The following TNC variants were observed in gnomAD, a reference collection of about 807,000 sequenced individuals.
The protein encoded by TNC is tenascin.
In TNC, 109 loss-of-function variants were observed where a neutral mutation model predicts 202.4. The observed-to-expected ratio is 0.54, with a 90% confidence interval of 0.46 to 0.63. The LOEUF (loss-of-function observed/expected upper bound fraction) is 0.63, where lower values mean the gene tolerates loss of function less well. Among genes scored for constraint, TNC ranks in the 30% least tolerant of loss-of-function variants. The pLI is 0.00. For missense variants in TNC, 2,756 were observed against 2,833.3 expected, an observed-to-expected ratio of 0.97 and a Z score of 0.62; for synonymous variants, 1,007 against 1,089.7, an observed-to-expected ratio of 0.92 and a Z score of 1.50.
In TNC at chr9:115,063,871, T is replaced by C. The variant is rs574502142; in HGVS notation, c.3685A>G (p.Thr1229Ala). 3 of 1,614,140 alleles carry C rather than the reference T, an allele frequency of 1.9e-6. No homozygotes were observed. The highest frequency in any genetic ancestry group is 2.2e-5 in the East Asian group (1 of 44,884). The change falls in exon 12 of 28, where the codon ACT (threonine) becomes GCT (alanine). Residue 1229 changes from threonine to alanine, a missense_variant. Physicochemically the swap from Thr to Ala is moderately conservative, Grantham distance 58. This residue lies in a region of TNC where 2,559 missense variants were observed against 2,546.0 expected (regional missense o/e 1.01). Transcript: ENST00000350763. Reference sequence around the variant, plus strand: ...CCGCGGATGGTGATGGTATAATGAGTGGCTGCTTTGAGCCCAGGCAGGTCT... The same window carrying C: ...CCGCGGATGGTGATGGTATAATGAGCGGCTGCTTTGAGCCCAGGCAGGTCT... ...STDLPGLKAA[T>A]HYTITIRGVT...
chr9:115,102,705 T>G (rs542664061), intron 1 of TNC, among the ~76,000 whole-genome samples: 7 of 152,372 alleles, frequency 4.6e-5, no homozygotes, highest in African/African-American at 1.7e-4. Flanking sequence ...AGATTGTATT[T>G]ATATTAGTCT....
chr9:115,093,598 C>A (rs961150347), intron 1 of TNC, among the ~76,000 whole-genome samples: 142 of 152,184 alleles, frequency 9.3e-4, no homozygotes, highest in African/African-American at 3.2e-3. Flanking sequence ...TACTTTCCTA[C>A]CCCTTTTCCA....
At chr9:115,087,579 G>A (rs1041651162) in intron 2 of TNC, among the ~76,000 whole-genome samples, 3 of 148,968 alleles carry the variant, frequency 2.0e-5, no homozygotes, top group Non-Finnish European at 3.0e-5. Flanking sequence ...TCCACCCCTG[G>A]GGAGCGGATT....
chr9:115,073,149 T>A (rs927984402), intron 10 of TNC, among the ~76,000 whole-genome samples: 3 of 152,126 alleles, frequency 2.0e-5, no homozygotes, highest in Non-Finnish European at 4.4e-5. Context: ...AGACCTGGAA[T>A]AAAAACAGTT....
chr9:115,051,985 T>C (rs1321576539), intron 15 of TNC, among the ~76,000 whole-genome samples: 1 of 151,380 alleles, frequency 6.6e-6, no homozygotes, highest in Non-Finnish European at 1.5e-5. Flanking sequence ...TTGTAACCTG[T>C]GTCTGTCAAT....
rs746230579 is a variant in TNC, at chr9:115,086,612, G to A, written c.1119C>T (p.Ser373=). 4.4e-5 allele frequency: 71 copies of A among 1,614,086 alleles called. 1 individual carries two copies. The highest frequency in any genetic ancestry group is 4.2e-4 in the East Asian group (19 of 44,878). ...GACAGTCAGCAGGACACCTCTTCTCGCTGCAGTCCACACCGGCAAAGCCCT... is the reference window on the plus strand; with the variant it reads ...GACAGTCAGCAGGACACCTCTTCTCACTGCAGTCCACACCGGCAAAGCCCT... The part of the protein sequence containing the change: ...CDEGFAGVDC[S]EKRCPADCHN... Residue 373 remains serine, a synonymous_variant, in exon 3 of 28, where the codon AGC becomes AGT. Coordinates refer to ENST00000350763, the MANE Select transcript of TNC (RefSeq NM_002160.4).
Position 115,024,283 on chromosome 9 carries a change from G to A in TNC, c.6332-147C>T, listed in dbSNP as rs542099559. 5.5e-4 allele frequency: 408 copies of A among 743,086 alleles called. 3 individuals carry two copies. The highest frequency in any genetic ancestry group is 4.7e-3 in the South Asian group (249 of 52,758). 46.0% of individuals were successfully genotyped at this position (743,086 alleles called of 1,614,324 possible). On this transcript the variant is annotated intron_variant, in intron 26 of 27. Transcript: ENST00000350763. ...TGATCCCAGAGTCAGCATTGAATGC[G>A]GAACTGAATGGGACATGAGTGTCAC...
intron 1 of TNC, among the ~76,000 whole-genome samples, chr9:115,098,938 ATTTTTTT>A (rs35624621): frequency 1.6e-5 from 2 of 127,334 alleles, no homozygotes; most frequent in Non-Finnish European, 3.2e-5. Flanking sequence ...TTAAGTGTGT[ATTTTTTT>A]TTTTTTTTTT....
chr9:115,062,864 C>A (rs903583617), intron 13 of TNC, 53 bp downstream of exon 13: 23 of 1,570,514 alleles, frequency 1.5e-5, no homozygotes, highest in Non-Finnish European at 2.0e-5. Context: ...TTCTCTATTT[C>A]AATGACATGC....
At chr9:115,045,259 T>C (rs1831087080) in intron 17 of TNC, among the ~76,000 whole-genome samples, 1 of 152,210 alleles carries the variant, frequency 6.6e-6, no homozygotes, top group Non-Finnish European at 1.5e-5. Flanking sequence ...CTCCCTCAGT[T>C]TCATGAAATA....
intron 15 of TNC, among the ~76,000 whole-genome samples, chr9:115,056,587 G>A (rs2132425397): frequency 6.6e-6 from 1 of 152,302 alleles, no homozygotes; most frequent in East Asian, 1.9e-4. Flanking sequence ...TTCTAGAGGT[G>A]GTGTTGGAAC....
chr9:115,056,601 G>T (rs1323273482), intron 15 of TNC, among the ~76,000 whole-genome samples: 2 of 152,168 alleles, frequency 1.3e-5, no homozygotes, highest in Admixed American at 1.3e-4. Flanking sequence ...TTGGAACTGG[G>T]GTGGTCTGAA....
chr9:115,049,079 T>G (rs1196627800), intron 15 of TNC, among the ~76,000 whole-genome samples: 2 of 151,842 alleles, frequency 1.3e-5, no homozygotes, highest in Non-Finnish European at 2.9e-5. Flanking sequence ...TAAGTTTTTT[T>G]TGTGTCAAAA....
chr9:115,085,731 T>TAAAA, intron 3 of TNC, 133 bp downstream of exon 3: 1 of 938,448 alleles, frequency 1.1e-6, no homozygotes, highest in Non-Finnish European at 1.6e-6. Flanking sequence ...GGTGTGTGTT[T>TAAAA]AAATGGATAT....
Position 115,063,747 on chromosome 9 carries a change from G to A in TNC, c.3760+49C>T, listed in dbSNP as rs759031146. 2.1e-5 allele frequency: 33 copies of A among 1,571,368 alleles called. No individual in the cohort carries two copies. In the East Asian group the frequency reaches 3.6e-4, roughly 17 times the overall value. On this transcript the variant is annotated intron_variant, in intron 12 of 27. Transcript: ENST00000350763. ...GCAAGAAAGTGCTTTGATTCCTCCC[G>A]AGCAGAGACAAAGGGGAGGAAGTGA...
chr9:115,034,964 G>A (rs1481959115), intron 22 of TNC, among the ~76,000 whole-genome samples: 2 of 152,168 alleles, frequency 1.3e-5, no homozygotes, highest in African/African-American at 2.4e-5. Flanking sequence ...ATGTCCTCAA[G>A]TCTTGTAAGC....
At position 115,030,417 on chromosome 9, in the gene TNC, G is replaced by A; in HGVS notation, c.5921-12C>T. The A allele has an allele frequency of 1.2e-6, 2 of 1,609,256 alleles. No individual in the cohort carries two copies. The highest frequency in any genetic ancestry group is 2.2e-5 in the South Asian group (2 of 90,492). ...GTACAGGAGTCCAACTGTGGAATAAGGAGAAATGGTGATGCTCTCAGTGCA... is the reference window on the plus strand; with the variant it reads ...GTACAGGAGTCCAACTGTGGAATAAAGAGAAATGGTGATGCTCTCAGTGCA... On this transcript the variant is annotated splice_polypyrimidine_tract_variant and intron_variant, in intron 23 of 27. Coordinates refer to ENST00000350763, the MANE Select transcript of TNC (RefSeq NM_002160.4).
At chr9:115,109,356 A>G (rs1002733873) in intron 1 of TNC, among the ~76,000 whole-genome samples, 2 of 152,360 alleles carry the variant, frequency 1.3e-5, no homozygotes, top group East Asian at 1.9e-4. Flanking sequence ...TGCTTTTAAT[A>G]TGGATAAGAA....
At chr9:115,069,170 T>C (rs962649655) in intron 10 of TNC, among the ~76,000 whole-genome samples, 3 of 152,240 alleles carry the variant, frequency 2.0e-5, no homozygotes, top group Non-Finnish European at 4.4e-5. Flanking sequence ...ATGTTCTGTA[T>C]TACTGGTAGC....
Sources: gnomAD v4.1 joint callset for allele counts (sites outside exome capture counted in the v4.1 genomes callset) on GRCh38, gnomAD v4.1.1 for gene constraint, gnomAD v4.1.1 regional missense constraint, MANE v1.5 for transcripts, NCBI Gene and HGNC (gene_info 2026-07-23, HGNC 2026-07-21) for gene names.